The following VPS13D variants were observed in gnomAD, a reference collection of about 807,000 sequenced individuals.
VPS13D encodes the protein intermembrane lipid transfer protein VPS13D.
VPS13D carries 187 observed loss-of-function variants against 461.9 expected under a neutral mutation model. The ratio of observed to expected loss-of-function variants is 0.40; its 90% CI spans 0.36 to 0.46. VPS13D has a LOEUF of 0.46. Among genes scored for constraint, VPS13D ranks in the 20% least tolerant of loss-of-function variants. The pLI is 0.60. For synonymous variants in VPS13D, 1,951 were observed against 1,986.3 expected (o/e 0.98, Z 0.47); for missense variants, 4,711 against 5,364.9 (o/e 0.88, Z 3.81).
At position 12,249,280 on chromosome 1, in the gene VPS13D, C is replaced by T. The variant is rs1640659348; in HGVS notation, c.505C>T (p.Pro169Ser). 10 of 1,614,050 alleles carry T rather than the reference C, an allele frequency of 6.2e-6. No homozygotes were observed. Among genetic ancestry groups the T allele is most frequent in the Non-Finnish European group, 8.5e-6 (10 of 1,179,998 alleles). Residue 169 changes from proline to serine, a missense_variant, in exon 6 of 70, where the codon CCT (proline) becomes TCT (serine). Pro to Ser is a moderately conservative substitution (Grantham distance 74, BLOSUM62 -1). Transcript: ENST00000620676. Reference protein sequence around the residue: ...FEDGVTNPSHPFAFGICIKNV... With the variant: ...FEDGVTNPSHSFAFGICIKNV... The stretch of plus-strand genomic sequence containing the variant: ...AGATGGTGTCACCAATCCCTCCCAT[C>T]CTTTTGCTTTTGGCATCTGCATTAA...
At chr1:12,429,860 T>C (rs1041216748) in intron 65 of VPS13D, among the ~76,000 whole-genome samples, 3 of 152,142 alleles carry the variant, frequency 2.0e-5, no homozygotes, top group African/African-American at 7.2e-5. Flanking sequence ...AGGAAGCTGG[T>C]TTAGAGGAAG....
In VPS13D at chr1:12,271,069, A is replaced by C. The variant is rs1208999718; in HGVS notation, c.2048A>C (p.Gln683Pro). Residue 683 changes from glutamine to proline, a missense_variant, in exon 17 of 70, where the codon CAG becomes CCG. Coordinates refer to ENST00000620676, the MANE Select transcript of VPS13D (RefSeq NM_015378.4). ...AGACAATATAACAAGCTGAAGATGCAGACCAAGGCAGAAATCCGGCAAACT... is the reference window on the plus strand; with the variant it reads ...AGACAATATAACAAGCTGAAGATGCCGACCAAGGCAGAAATCCGGCAAACT... ...ARRQYNKLKMQTKAEIRQTLD... is the reference protein window; with the variant it reads ...ARRQYNKLKMPTKAEIRQTLD... 3 of 1,613,966 alleles carry C rather than the reference A, an allele frequency of 1.9e-6. No homozygotes were observed. The African/African-American group carries it at 4.0e-5, about 22-fold the overall frequency.
rs570485712 is a variant in VPS13D, at chr1:12,505,581, G to A, written c.12795-1272G>A. Among the ~76,000 whole-genome samples, 1 of 152,328 alleles carries A rather than the reference G, an allele frequency of 6.6e-6. No homozygotes were observed. Among genetic ancestry groups the A allele is most frequent in the African/African-American group, 2.4e-5 (1 of 41,570 alleles). ...CTCTGTGGGGTGCTCAGGAAGACAC[G>A]GGGCTGTGAGATATGGACTCCACTT... On this transcript the variant is annotated intron_variant, in intron 68 of 69. Transcript: ENST00000620676. The surrounding 1 kb of genome is among the most constrained non-coding windows in gnomAD (Gnocchi z 4.2).
intron 68 of VPS13D, among the ~76,000 whole-genome samples, chr1:12,503,947 T>C (rs1646069615): frequency 6.6e-6 from 1 of 152,000 alleles, no homozygotes; most frequent in South Asian, 2.1e-4. Context: ...CCTGTGGCTT[T>C]AGGGAAAGGG....
chr1:12,470,374 A>G (rs771364219), intron 67 of VPS13D, among the ~76,000 whole-genome samples: 1 of 152,142 alleles, frequency 6.6e-6, no homozygotes, highest in Admixed American at 6.5e-5. Context: ...GCACCTGCCC[A>G]CCTCCTGAGG....
chr1:12,283,803 A>G, intron 21 of VPS13D, 67 bp downstream of exon 21: 1 of 1,448,012 alleles, frequency 6.9e-7, no homozygotes, highest in Non-Finnish European at 9.2e-7. Context: ...ATTTAAATAC[A>G]AGCACTTTAC....
Position 12,273,749 on chromosome 1 carries a change from G to A in VPS13D, c.2236+614G>A, listed in dbSNP as rs969706393. On this transcript the variant is annotated intron_variant, in intron 18 of 69. Coordinates refer to ENST00000620676, the MANE Select transcript of VPS13D (RefSeq NM_015378.4). Reference sequence around the variant, plus strand: ...CGATACTTCCTTCCTTCGTATAGCCGAATAATAGTCCATCGTGTGGCTGTT... The same window carrying A: ...CGATACTTCCTTCCTTCGTATAGCCAAATAATAGTCCATCGTGTGGCTGTT... Among the ~76,000 whole-genome samples, 4 of 152,194 alleles carry A rather than the reference G, an allele frequency of 2.6e-5. No homozygotes were observed. In the South Asian group the frequency reaches 8.3e-4, roughly 32 times the overall value.
rs2100350826 is a variant in VPS13D, at chr1:12,443,644, T to TA, written c.12334-12353dup. On this transcript the variant is annotated intron_variant, in intron 65 of 69. Coordinates refer to ENST00000620676, the MANE Select transcript of VPS13D (RefSeq NM_015378.4). ...TATTGTCATGTATTTTAGTTCTACT[T>TA]ACATTATGTTTAACCCTCACAAAAC... Among the ~76,000 whole-genome samples, 2 of 152,276 alleles carry TA rather than the reference T, an allele frequency of 1.3e-5. 1 individual carries two copies. The highest frequency in any genetic ancestry group is 4.1e-4 in the South Asian group (2 of 4,824).
rs1335001858 is a variant in VPS13D, at chr1:12,400,156, C to G, written c.11635-25C>G. 3.7e-6 allele frequency: 6 copies of G among 1,605,504 alleles called. No homozygotes were observed. In the East Asian group the frequency reaches 1.3e-4, roughly 36 times the overall value. On this transcript the variant is annotated intron_variant, in intron 60 of 69. Transcript: ENST00000620676. ...AGCCACTGGTCTGTTTTTGTTTTTGCTTTGCTACCTTTCCATGGCCGTAGG... is the reference window on the plus strand; with the variant it reads ...AGCCACTGGTCTGTTTTTGTTTTTGGTTTGCTACCTTTCCATGGCCGTAGG...
At chr1:12,312,474 G>C (rs1005599646) in intron 29 of VPS13D, among the ~76,000 whole-genome samples, 2 of 152,160 alleles carry the variant, frequency 1.3e-5, no homozygotes, top group Admixed American at 1.3e-4. Context: ...TTCAAAGTTA[G>C]GGGCTAGGCG....
chr1:12,339,140 A>G (rs775533989), intron 40 of VPS13D, among the ~76,000 whole-genome samples: 20 of 151,670 alleles, frequency 1.3e-4, no homozygotes, highest in Non-Finnish European at 2.2e-4. Context: ...TGGATGTTTG[A>G]GGGAGGGCTC....
chr1:12,283,422 C>T lies in VPS13D; in HGVS notation c.5320C>T (p.Leu1774Phe), dbSNP rs375606388. 6.2e-7 allele frequency: 1 copy of T among 1,614,234 alleles called. No homozygotes were observed. The highest frequency in any genetic ancestry group is 1.7e-5 in the Admixed American group (1 of 60,030). ...TCCAACAGTGGATGAGCCCAAGATACTTGTTGGAAAGAGTAAATTTGATGA... is the reference window on the plus strand; with the variant it reads ...TCCAACAGTGGATGAGCCCAAGATATTTGTTGGAAAGAGTAAATTTGATGA... The part of the protein sequence containing the change: ...PSPTVDEPKI[L>F]VGKSKFDDSL... Residue 1774 changes from leucine (L) to phenylalanine (F), a missense_variant, in exon 21 of 70, where the codon CTT (leucine) becomes TTT (phenylalanine). Physicochemically the swap from Leu to Phe is conservative, Grantham distance 22. This residue lies in a region of VPS13D where 4,411 missense variants were observed against 4,937.8 expected (regional missense o/e 0.89). Coordinates refer to ENST00000620676, the MANE Select transcript of VPS13D (RefSeq NM_015378.4).
intron 60 of VPS13D, among the ~76,000 whole-genome samples, chr1:12,398,775 C>T (rs945705641): frequency 6.6e-6 from 1 of 152,158 alleles, no homozygotes; most frequent in Non-Finnish European, 1.5e-5. Context: ...GTAGAGGAAA[C>T]TGTTACAATT....
chr1:12,294,603 C>T (rs1276207726), intron 24 of VPS13D, among the ~76,000 whole-genome samples: 1 of 151,342 alleles, frequency 6.6e-6, no homozygotes, highest in Non-Finnish European at 1.5e-5. Context: ...TCACGAGGTC[C>T]AGAGATCGAG....
rs771838094 is a variant in VPS13D, at chr1:12,507,378, G to T, written c.13035+285G>T. The T allele has an allele frequency of 3.1e-6, 2 of 643,694 alleles. No individual in the cohort carries two copies. The highest frequency in any genetic ancestry group is 2.8e-5 in the South Asian group (2 of 72,574). 39.9% of individuals were successfully genotyped at this position (643,694 alleles called of 1,614,324 possible). On this transcript the variant is annotated intron_variant, in intron 69 of 69. Coordinates refer to ENST00000620676, the MANE Select transcript of VPS13D (RefSeq NM_015378.4). The surrounding 1 kb of genome is among the most constrained non-coding windows in gnomAD (Gnocchi z 5.3). ...AGTGAGGGTAACAATACTTACTCTC[G>T]TTGGTGATAAGGAACAGCTAACACA... is the stretch of plus-strand genomic sequence containing the variant.
intron 32 of VPS13D, among the ~76,000 whole-genome samples, chr1:12,320,259 G>A (rs1017183777): frequency 1.3e-5 from 2 of 152,164 alleles, no homozygotes; most frequent in African/African-American, 4.8e-5. Context: ...GCAATATTAG[G>A]CCAAAAGTGC....
At chr1:12,348,339 A>G (rs1246401321) in intron 44 of VPS13D, among the ~76,000 whole-genome samples, 1 of 152,176 alleles carries the variant, frequency 6.6e-6, no homozygotes, top group Admixed American at 6.6e-5. Flanking sequence ...ATTATTTCTA[A>G]TTTTAATTGT....
chr1:12,412,205 A>G (rs1341646339), intron 63 of VPS13D, among the ~76,000 whole-genome samples: 2 of 152,274 alleles, frequency 1.3e-5, no homozygotes, highest in Non-Finnish European at 2.9e-5. Context: ...ATAAGTTGGA[A>G]GATTCGGTAA....
chr1:12,244,137 A>AT (rs1233391691), intron 3 of VPS13D, 109 bp from the exon 4 acceptor site: 2 of 1,116,276 alleles, frequency 1.8e-6, no homozygotes, highest in Admixed American at 5.7e-5. Flanking sequence ...AATAAAAAAA[A>AT]GTAGTAACAG....
Sources: allele counts gnomAD v4.1 joint callset (sites outside exome capture counted in the v4.1 genomes callset), GRCh38; gene constraint gnomAD v4.1.1; regional missense constraint gnomAD v4.1.1; non-coding constraint Gnocchi (gnomAD v3.1); transcripts MANE v1.5; gene names NCBI Gene and HGNC (gene_info 2026-07-23, HGNC 2026-07-21).